TAF3: variants seen among roughly 807,000 people sequenced by gnomAD.
TAF3 encodes TATA-box binding protein associated factor 3, also known as transcription initiation factor TFIID subunit 3.
TAF3 carries 7 observed loss-of-function variants against 80.6 expected under a neutral mutation model. That is an observed-to-expected ratio of 0.09 (90% CI 0.05 to 0.16). The LOEUF is 0.16. TAF3 is among the 10% of genes least tolerant of loss of function. The pLI is 1.00. For synonymous variants in TAF3, 444 were observed against 446.1 expected, an observed-to-expected ratio of 1.00 and a Z score of 0.06; for missense variants, 921 against 1,140.2, an observed-to-expected ratio of 0.81 and a Z score of 2.77.
intron 2 of TAF3, among the ~76,000 whole-genome samples, chr10:7,860,263 C>T (rs746592146): frequency 2.6e-4 from 38 of 146,072 alleles, no homozygotes; most frequent in Non-Finnish European, 4.8e-4. Flanking sequence ...GTGACAGAGC[C>T]AGACCCTGTC....
chr10:8,015,866 A>C lies in TAF3; in HGVS notation c.*1115A>C, dbSNP rs375879809. 4 of 151,702 alleles carry C rather than the reference A, an allele frequency of 2.6e-5. No homozygotes were observed. Among genetic ancestry groups the C allele is most frequent in the South Asian group, 2.1e-4 (1 of 4,832 alleles). The allele number at this position is 151,702 out of a possible 1,614,324, so 9.4% of individuals were successfully genotyped here. On this transcript the variant is annotated 3_prime_UTR_variant, in exon 7 of 7. Coordinates refer to ENST00000344293, the MANE Select transcript of TAF3 (RefSeq NM_031923.4). ...TAGTTTCCATGAAAGTAAAAAAAAA[A>C]AACAACAAAAAACCCACATATACTG...
chr10:7,895,828 A>G (rs1259857559), intron 2 of TAF3, among the ~76,000 whole-genome samples: 2 of 152,196 alleles, frequency 1.3e-5, no homozygotes, highest in African/African-American at 4.8e-5. Flanking sequence ...AAATGTGCGC[A>G]GTTTTTCTGG....
chr10:7,888,038 T>G (rs76121713), intron 2 of TAF3, among the ~76,000 whole-genome samples: 2,498 of 152,292 alleles, frequency 0.016, 68 homozygotes, highest in African/African-American at 0.056. Context: ...TCTGTCCAGC[T>G]TAGGTTCCCT....
intron 4 of TAF3, among the ~76,000 whole-genome samples, chr10:8,002,652 A>G (rs1831955234): frequency 6.6e-6 from 1 of 152,220 alleles, no homozygotes; most frequent in African/African-American, 2.4e-5. Flanking sequence ...AAAAGAATGA[A>G]TATTCCGCAC....
chr10:8,010,353 A>G (rs1469565588), intron 5 of TAF3, among the ~76,000 whole-genome samples: 2 of 152,238 alleles, frequency 1.3e-5, no homozygotes, highest in African/African-American at 4.8e-5. Flanking sequence ...ATGCATATAT[A>G]CAGTAATATC....
rs1014882533 is a variant in TAF3 at position 7,844,012 on chromosome 10, A to G, written c.409+19452A>G. Among the ~76,000 whole-genome samples the G allele has an allele frequency of 3.9e-5, 6 of 152,286 alleles. No individual in the cohort carries two copies. The South Asian group carries it at 1.2e-3, about 32-fold the overall frequency. On this transcript the variant is annotated intron_variant, in intron 2 of 6. Coordinates refer to ENST00000344293, the MANE Select transcript of TAF3 (RefSeq NM_031923.4). ...CAATTAAATGTCAAAGAATGTTTTA[A>G]AATCTTGAGAAAAAGCATACAACTT...
intron 2 of TAF3, among the ~76,000 whole-genome samples, chr10:7,917,098 C>A (rs2131185033): frequency 6.6e-6 from 1 of 152,338 alleles, no homozygotes; most frequent in East Asian, 1.9e-4. Flanking sequence ...TTTGACATGG[C>A]AGATATTCCA....
chr10:7,858,741 A>G (rs1029612124), intron 2 of TAF3, among the ~76,000 whole-genome samples: 5 of 152,182 alleles, frequency 3.3e-5, no homozygotes, highest in Non-Finnish European at 5.9e-5. Flanking sequence ...AGCACATGTT[A>G]GCAGCTATGA....
chr10:7,835,134 GC>G (rs1836839079), intron 2 of TAF3, among the ~76,000 whole-genome samples: 1 of 152,086 alleles, frequency 6.6e-6, no homozygotes, highest in Non-Finnish European at 1.5e-5. Flanking sequence ...CAATCTTTTG[GC>G]TTCCCTGGGT....
intron 2 of TAF3, among the ~76,000 whole-genome samples, chr10:7,914,547 C>T (rs1272412746): frequency 6.6e-6 from 1 of 152,208 alleles, no homozygotes; most frequent in Non-Finnish European, 1.5e-5. Flanking sequence ...TGACCTGTGG[C>T]AGGTTCTCAG....
chr10:7,897,261 C>G (rs542277586), intron 2 of TAF3, among the ~76,000 whole-genome samples: 1 of 152,212 alleles, frequency 6.6e-6, no homozygotes, highest in South Asian at 2.1e-4. Flanking sequence ...GCCAGGTCGC[C>G]GGGGGGTCAC....
At chr10:7,882,873 A>T (rs890194515) in intron 2 of TAF3, among the ~76,000 whole-genome samples, 1 of 152,248 alleles carries the variant, frequency 6.6e-6, no homozygotes, top group South Asian at 2.1e-4. Flanking sequence ...AGATTCCCCA[A>T]ATGCTAACAC....
chr10:7,835,398 T>C (rs1414120144), intron 2 of TAF3, among the ~76,000 whole-genome samples: 2 of 152,204 alleles, frequency 1.3e-5, no homozygotes, highest in African/African-American at 2.4e-5. Flanking sequence ...CTTCTATCGT[T>C]TTTGCGGAAT....
chr10:8,010,310 G>C (rs966989807), intron 5 of TAF3, among the ~76,000 whole-genome samples: 1 of 152,132 alleles, frequency 6.6e-6, no homozygotes, highest in East Asian at 1.9e-4. Flanking sequence ...TCATATCAAA[G>C]CTTGTTTTTA....
intron 2 of TAF3, among the ~76,000 whole-genome samples, chr10:7,955,656 A>G (rs1003128433): frequency 5.3e-5 from 8 of 152,326 alleles, no homozygotes; most frequent in South Asian, 4.1e-4. Context: ...GGCATTTACT[A>G]TTCTAGTTAA....
rs377560740 is a variant in TAF3, at chr10:7,935,394, G to A, written c.410-28526G>A. On this transcript the variant is annotated intron_variant, in intron 2 of 6. Transcript: ENST00000344293. ...GGGCAGATCACGAGGTCAGGAGATC[G>A]AGACCATGGTGAAACCCCGTCTTGA... 6.6e-5 allele frequency among the ~76,000 whole-genome samples: 10 copies of A among 152,140 alleles called. No homozygotes were observed. In the East Asian group the frequency reaches 1.7e-3, roughly 27 times the overall value.
At position 8,009,677 on chromosome 10, in the gene TAF3, G is replaced by A. The variant is rs1230507676; in HGVS notation, c.2568+347G>A. On this transcript the variant is annotated intron_variant, in intron 5 of 6. Transcript: ENST00000344293. The surrounding 1 kb of genome is among the most constrained non-coding windows in gnomAD (Gnocchi z 4.1). ...GCTCTTATTGCCCAACCTGGAATGC[G>A]GTGGTGAGATCTCAGCTCACTGCAA... is the stretch of plus-strand genomic sequence containing the variant. 6.6e-6 allele frequency among the ~76,000 whole-genome samples: 1 copy of A among 150,862 alleles called. No homozygotes were observed. Among genetic ancestry groups the A allele is most frequent in the East Asian group, 1.9e-4 (1 of 5,132 alleles).
At chr10:7,925,805 AAAAAAAAG>A (rs900029727) in intron 2 of TAF3, among the ~76,000 whole-genome samples, 13 of 143,678 alleles carry the variant, frequency 9.0e-5, no homozygotes, top group African/African-American at 3.2e-4. Flanking sequence ...TCTCAAAAAA[AAAAAAAAG>A]AAAAGAAAAG....
chr10:7,947,281 C>CA (rs766098261), intron 2 of TAF3, among the ~76,000 whole-genome samples: 1 of 152,104 alleles, frequency 6.6e-6, no homozygotes, highest in Non-Finnish European at 1.5e-5. Context: ...CTCCAGCCCC[C>CA]ACCGCAGGCC....
Sources: gnomAD v4.1 joint callset for allele counts (sites outside exome capture counted in the v4.1 genomes callset) on GRCh38, gnomAD v4.1.1 for gene constraint, Gnocchi (gnomAD v3.1) non-coding constraint, MANE v1.5 for transcripts, NCBI Gene and HGNC (gene_info 2026-07-23, HGNC 2026-07-21) for gene names.